KCNK10: variants seen among roughly 807,000 people sequenced by gnomAD.
KCNK10 encodes potassium two pore domain channel subfamily K member 10.
In KCNK10, 25 loss-of-function variants were observed where a neutral mutation model predicts 47.7. The ratio of observed to expected loss-of-function variants is 0.52; its 90% CI spans 0.38 to 0.73. KCNK10 has a LOEUF of 0.73. KCNK10 is among the 30% of genes least tolerant of loss of function. KCNK10 has a pLI of 0.00. For missense variants in KCNK10, 563 were observed against 714.5 expected (o/e 0.79, Z 2.42); for synonymous variants, 303 against 285.6 (o/e 1.06, Z -0.61).
chr14:88,195,849 C>A (rs189719476), intron 4 of KCNK10, among the ~76,000 whole-genome samples: 1 of 152,304 alleles, frequency 6.6e-6, no homozygotes, highest in Admixed American at 6.5e-5. Context: ...TGCCTCCCTG[C>A]CACATCCCCC....
At chr14:88,263,063 CAT>C (rs1263967530) in intron 2 of KCNK10, 137 bp downstream of exon 2, 8 of 662,978 alleles carry the variant, frequency 1.2e-5, no homozygotes, top group Non-Finnish European at 1.8e-5. Flanking sequence ...TCTCAGCTCA[CAT>C]GTCACCTCCC....
At chr14:88,315,727 G>T (rs781029856) in intron 1 of KCNK10, among the ~76,000 whole-genome samples, 2 of 151,994 alleles carry the variant, frequency 1.3e-5, no homozygotes, top group African/African-American at 4.8e-5. Flanking sequence ...TCCATCACCC[G>T]ACCAAATTTT....
upstream of KCNK10, among the ~76,000 whole-genome samples, chr14:88,324,748 TG>T (rs1191387944): frequency 6.6e-6 from 1 of 152,182 alleles, no homozygotes; most frequent in Non-Finnish European, 1.5e-5. Flanking sequence ...CTAAGTTGCA[TG>T]CTACTCTACG....
At chr14:88,239,527 T>C (rs962875031) in intron 3 of KCNK10, among the ~76,000 whole-genome samples, 1 of 152,200 alleles carries the variant, frequency 6.6e-6, no homozygotes, top group Non-Finnish European at 1.5e-5. Flanking sequence ...GGTTAACGAA[T>C]AGAACACTAA....
At chr14:88,218,087 G>A (rs8011778) in intron 4 of KCNK10, among the ~76,000 whole-genome samples, 31,864 of 151,806 alleles carry the variant, frequency 0.21, 4,346 homozygotes, top group Non-Finnish European at 0.3. Flanking sequence ...TTGAACTCCC[G>A]GGCTCAAGTA....
At chr14:88,297,861 G>A (rs1180397099) in intron 1 of KCNK10, among the ~76,000 whole-genome samples, 1 of 152,252 alleles carries the variant, frequency 6.6e-6, no homozygotes, top group Non-Finnish European at 1.5e-5. Flanking sequence ...ATGAATGGAT[G>A]TGGGAGATGC....
At chr14:88,254,387 C>T (rs925438044) in intron 2 of KCNK10, among the ~76,000 whole-genome samples, 1 of 152,162 alleles carries the variant, frequency 6.6e-6, no homozygotes, top group African/African-American at 2.4e-5. Flanking sequence ...AACCCACTCC[C>T]GTGAAATGCT....
intron 4 of KCNK10, among the ~76,000 whole-genome samples, chr14:88,220,910 A>G (rs1566690352): frequency 6.6e-6 from 1 of 152,002 alleles, no homozygotes; most frequent in Non-Finnish European, 1.5e-5. Context: ...TATCAAGAGA[A>G]TGAAAAGATA....
At chr14:88,217,739 T>G (rs936357639) in intron 4 of KCNK10, among the ~76,000 whole-genome samples, 4 of 151,720 alleles carry the variant, frequency 2.6e-5, no homozygotes, top group Admixed American at 2.0e-4. Context: ...CTTTTTTTTT[T>G]TGAGACAGAG....
intron 2 of KCNK10, among the ~76,000 whole-genome samples, chr14:88,241,618 C>G (rs1886473668): frequency 6.6e-6 from 1 of 152,150 alleles, no homozygotes; most frequent in African/African-American, 2.4e-5. Flanking sequence ...AATGATGACC[C>G]ATTTTCATCT....
At chr14:88,200,093 TC>T (rs985392350) in intron 4 of KCNK10, among the ~76,000 whole-genome samples, 1 of 150,986 alleles carries the variant, frequency 6.6e-6, no homozygotes, top group African/African-American at 2.5e-5. Context: ...CTTCCTTTCT[TC>T]CTTTTTTTCT....
chr14:88,282,501 G>C (rs1484731188), intron 1 of KCNK10, among the ~76,000 whole-genome samples: 1 of 152,206 alleles, frequency 6.6e-6, no homozygotes, highest in African/African-American at 2.4e-5. Flanking sequence ...CAGGAGCAGA[G>C]AGCGGATAGC....
Position 88,185,461 on chromosome 14 carries a change from T to A in KCNK10, c.*74A>T, listed in dbSNP as rs1365017763. On this transcript the variant is annotated 3_prime_UTR_variant, in exon 7 of 7. Transcript: ENST00000319231. This position sits in a 1 kb window ranked among gnomAD's most constrained non-coding sequence, Gnocchi z 4.3. Reference sequence around the variant, plus strand: ...GACTAAAAAGTCTGTTTAAGGCACATGTCTCAGTGTGAATATTAAAAACAC... The same window carrying A: ...GACTAAAAAGTCTGTTTAAGGCACAAGTCTCAGTGTGAATATTAAAAACAC... 1 of 1,526,858 alleles carries A rather than the reference T, an allele frequency of 6.5e-7. No individual in the cohort carries two copies. The highest frequency in any genetic ancestry group is 2.1e-5 in the Admixed American group (1 of 48,604). The allele number at this position is 1,526,858 out of a possible 1,614,324, so 94.6% of individuals were successfully genotyped here.
At chr14:88,316,799 T>C (rs1401984974) in intron 1 of KCNK10, among the ~76,000 whole-genome samples, 1 of 152,246 alleles carries the variant, frequency 6.6e-6, no homozygotes, top group Non-Finnish European at 1.5e-5. Flanking sequence ...CTTCCTCTAA[T>C]TTCCTGTAGA....
intron 1 of KCNK10, chr14:88,270,846 C>A (rs987296094): frequency 7.7e-6 from 6 of 780,726 alleles, no homozygotes; most frequent in African/African-American, 1.7e-5. Flanking sequence ...ATCACATGGA[C>A]CCTTGCTAAC....
At chr14:88,201,486 C>T (rs1405853381) in intron 4 of KCNK10, among the ~76,000 whole-genome samples, 1 of 151,850 alleles carries the variant, frequency 6.6e-6, no homozygotes, top group African/African-American at 2.4e-5. Flanking sequence ...ATGGTGAAAC[C>T]CTGTCTCTAC....
chr14:88,280,390 T>C (rs1034411445), intron 1 of KCNK10, among the ~76,000 whole-genome samples: 1 of 152,124 alleles, frequency 6.6e-6, no homozygotes, highest in African/African-American at 2.4e-5. Flanking sequence ...CTTCCGTGGG[T>C]TATTTTCTGC....
At chr14:88,200,074 CCTTT>C (rs1022374603) in intron 4 of KCNK10, among the ~76,000 whole-genome samples, 5 of 145,320 alleles carry the variant, frequency 3.4e-5, no homozygotes, top group Admixed American at 6.8e-5. Context: ...CTTTCTTCTT[CCTTT>C]CTTTCTTCCT....
chr14:88,257,494 T>G (rs547574283), intron 2 of KCNK10, among the ~76,000 whole-genome samples: 1 of 152,370 alleles, frequency 6.6e-6, no homozygotes, highest in East Asian at 1.9e-4. Context: ...TGCCAGCCAT[T>G]GGGATACCCT....
Sources: gnomAD v4.1 joint callset for allele counts (sites outside exome capture counted in the v4.1 genomes callset) on GRCh38, gnomAD v4.1.1 for gene constraint, Gnocchi (gnomAD v3.1) non-coding constraint, MANE v1.5 for transcripts, NCBI Gene and HGNC (gene_info 2026-07-23, HGNC 2026-07-21) for gene names.